Variants in DOCK9 observed in about 807,000 individuals in gnomAD.
DOCK9 encodes the protein dedicator of cytokinesis 9, also known as dedicator of cytokinesis protein 9.
A neutral mutation model predicts 263.3 loss-of-function variants in DOCK9; 89 were observed. The ratio of observed to expected loss-of-function variants is 0.34; its 90% confidence interval spans 0.28 to 0.40. DOCK9 has a LOEUF of 0.40. Ranked by LOEUF, DOCK9 falls within the 10% of genes least tolerant of loss-of-function variation. DOCK9 has a pLI of 1.00. For missense variants in DOCK9, 2,140 were observed against 2,603.4 expected (o/e 0.82, Z 3.87); for synonymous variants, 976 against 973.1 (o/e 1.00, Z -0.06).
intron 27 of DOCK9, among the ~76,000 whole-genome samples, chr13:98,874,825 G>C (rs982264127): frequency 9.9e-5 from 15 of 152,122 alleles, no homozygotes; most frequent in Middle Eastern, 3.2e-3. Context: ...TCCTACTAAA[G>C]AACCTACTGT....
intron 1 of DOCK9, among the ~76,000 whole-genome samples, chr13:98,969,704 G>C (rs777577081): frequency 6.6e-6 from 1 of 152,208 alleles, no homozygotes; most frequent in Admixed American, 6.5e-5. Context: ...AAAGAAGCTG[G>C]CATGTGAACT....
intron 1 of DOCK9, among the ~76,000 whole-genome samples, chr13:99,045,759 C>A (rs1172184867): frequency 6.6e-6 from 1 of 151,892 alleles, no homozygotes; most frequent in Non-Finnish European, 1.5e-5. Context: ...AGATGCCTCA[C>A]CAGCTTAATC....
chr13:98,972,184 T>C (rs150237998), intron 1 of DOCK9, among the ~76,000 whole-genome samples: 179 of 152,304 alleles, frequency 1.2e-3, no homozygotes, highest in Middle Eastern at 6.8e-3. Context: ...AGAGCCTGCC[T>C]CCTAGAGTTG....
chr13:99,020,710 TA>T (rs1281474371), intron 1 of DOCK9, among the ~76,000 whole-genome samples: 1 of 152,190 alleles, frequency 6.6e-6, no homozygotes, highest in Non-Finnish European at 1.5e-5. Context: ...GAGTGACACC[TA>T]AAAAATCTAG....
intron 38 of DOCK9, among the ~76,000 whole-genome samples, chr13:98,841,577 C>T (rs1212033790): frequency 3.3e-5 from 5 of 151,376 alleles, no homozygotes; most frequent in African/African-American, 1.2e-4. Flanking sequence ...GGAAACATAT[C>T]TCAGAATCAA....
At chr13:99,047,014 A>C (rs1228388683) in intron 1 of DOCK9, among the ~76,000 whole-genome samples, 1 of 152,236 alleles carries the variant, frequency 6.6e-6, no homozygotes, top group South Asian at 2.1e-4. Context: ...CTGATGATTA[A>C]AAGACAAAAT....
In DOCK9 at chr13:98,888,140, T is replaced by C. The variant is rs3737021; in HGVS notation, c.2043+18A>G. Reference sequence around the variant, plus strand: ...AAATCAGAATTCGTAGGTGAACATATATTAAAAAAAAACAAACCTTAAGGG... The same window carrying C: ...AAATCAGAATTCGTAGGTGAACATACATTAAAAAAAAACAAACCTTAAGGG... On this transcript the variant is annotated intron_variant, in intron 18 of 52. Coordinates refer to ENST00000682017, the MANE Select transcript of DOCK9 (RefSeq NM_001366683.2). The C allele has an allele frequency of 0.14, 210,917 of 1,534,712 alleles. 15,514 individuals carry two copies. The highest frequency in any genetic ancestry group is 0.24 in the East Asian group (10,401 of 44,032).
At chr13:98,915,569 C>G (rs2050756866) in intron 7 of DOCK9, 66 bp from the exon 8 acceptor site, 3 of 1,456,298 alleles carry the variant, frequency 2.1e-6, no homozygotes, top group South Asian at 2.7e-5. Context: ...AATAATTACT[C>G]TCTCTTGTTG....
chr13:99,054,843 C>T (rs2040847800), intron 1 of DOCK9, among the ~76,000 whole-genome samples: 1 of 152,156 alleles, frequency 6.6e-6, no homozygotes, highest in East Asian at 1.9e-4. Context: ...CTTGCCTTTA[C>T]TACGAGAAAA....
chr13:99,036,253 C>T (rs780401544), intron 1 of DOCK9, among the ~76,000 whole-genome samples: 2 of 152,138 alleles, frequency 1.3e-5, no homozygotes, highest in Non-Finnish European at 2.9e-5. Context: ...TGTTGAAACC[C>T]TAATCCCAAC....
At position 98,796,113 on chromosome 13, in the gene DOCK9, T is replaced by C. The variant is rs2089360923; in HGVS notation, c.6156+1002A>G. 11 of 965,878 alleles carry C rather than the reference T, an allele frequency of 1.1e-5. No homozygotes were observed. In the South Asian group the frequency reaches 1.4e-4, roughly 12 times the overall value. 59.8% of individuals were successfully genotyped at this position (965,878 alleles called of 1,614,324 possible). ...GCTTTCCTCTGCCCATGTACTGTCA[T>C]TATGCCAATGTCTGTAGTTGCTCAA... is the stretch of plus-strand genomic sequence containing the variant. On this transcript the variant is annotated intron_variant, in intron 52 of 52. Transcript: ENST00000682017.
At chr13:99,014,259 GGAAC>G (rs1355888981) in intron 1 of DOCK9, among the ~76,000 whole-genome samples, 1 of 152,216 alleles carries the variant, frequency 6.6e-6, no homozygotes, top group Admixed American at 6.5e-5. Flanking sequence ...ATACACTAAT[GGAAC>G]AGAGCGCTAC....
intron 2 of DOCK9, among the ~76,000 whole-genome samples, chr13:98,952,652 T>C (rs189073945): frequency 1.3e-5 from 2 of 152,364 alleles, no homozygotes; most frequent in African/African-American, 4.8e-5. Context: ...AATCTTTTCT[T>C]GACACAACTC....
intron 37 of DOCK9, chr13:98,846,441 T>A: frequency 1.7e-6 from 2 of 1,160,846 alleles, no homozygotes; most frequent in South Asian, 2.4e-5. Context: ...TTTTTTTTAA[T>A]TAAAAAATGC....
In DOCK9 at chr13:98,930,233, G is replaced by C. The variant is rs376425871; in HGVS notation, c.268C>G (p.Arg90Gly). Residue 90 changes from arginine (R) to glycine (G), a missense_variant, in exon 3 of 53, where the codon CGA becomes GGA. This residue lies in a region of DOCK9 where 1,521 missense variants were observed against 1,741.7 expected (regional missense o/e 0.87). Coordinates refer to ENST00000682017, the MANE Select transcript of DOCK9 (RefSeq NM_001366683.2). The part of the protein sequence containing the change: ...FQTAILRRQG[R>G]YICSTVPAKA... Reference sequence around the variant, plus strand: ...GCAGGCACTGTTGAGCATATGTATCGACCCTGTCGTCTCAGGATGGCCGTC... The same window carrying C: ...GCAGGCACTGTTGAGCATATGTATCCACCCTGTCGTCTCAGGATGGCCGTC... 1.7e-5 allele frequency: 28 copies of C among 1,611,494 alleles called. No individual in the cohort carries two copies. The highest frequency in any genetic ancestry group is 2.4e-5 in the Non-Finnish European group (28 of 1,178,850).
At chr13:98,885,594 T>C in intron 20 of DOCK9, 114 bp downstream of exon 20, 1 of 1,200,544 alleles carries the variant, frequency 8.3e-7, no homozygotes, top group South Asian at 1.7e-5. Context: ...CCGTTACCTA[T>C]AAAATTCATT....
intron 1 of DOCK9, among the ~76,000 whole-genome samples, chr13:99,017,363 C>T (rs145708750): frequency 5.3e-5 from 8 of 152,188 alleles, no homozygotes; most frequent in Admixed American, 4.6e-4. Flanking sequence ...TACCAATTAA[C>T]CTGACTCCTA....
chr13:98,885,894 A>G (rs1334365208), intron 19 of DOCK9, 63 bp from the exon 20 acceptor site: 3 of 1,526,366 alleles, frequency 2.0e-6, no homozygotes, highest in Non-Finnish European at 2.7e-6. Context: ...CAGTGGAAGC[A>G]GAGACAGTAT....
At chr13:98,954,728 C>T in intron 2 of DOCK9, among the ~76,000 whole-genome samples, 1 of 152,204 alleles carries the variant, frequency 6.6e-6, no homozygotes, top group East Asian at 1.9e-4. Flanking sequence ...TCTCCCACTG[C>T]TCCCCAGCAA....
Sources: allele counts gnomAD v4.1 joint callset (sites outside exome capture counted in the v4.1 genomes callset), GRCh38; gene constraint gnomAD v4.1.1; regional missense constraint gnomAD v4.1.1; transcripts MANE v1.5; gene names NCBI Gene and HGNC (gene_info 2026-07-23, HGNC 2026-07-21).